The following TMEM231 variants were observed in gnomAD, a reference collection of about 807,000 sequenced individuals.
The protein encoded by TMEM231 is transmembrane protein 231.
In TMEM231, 40 loss-of-function variants were observed where a neutral mutation model predicts 38.5. The ratio of observed to expected loss-of-function variants is 1.04; its 90% CI spans 0.81 to 1.35. The LOEUF (loss-of-function observed/expected upper bound fraction) is 1.35, where lower values mean the gene tolerates loss of function less well. Ranked by LOEUF, TMEM231 falls within the 40% of genes most tolerant of loss-of-function variation. TMEM231 has a pLI of 0.00. For synonymous variants in TMEM231, 199 were observed against 181.7 expected (o/e 1.10, Z -0.77); for missense variants, 420 against 416.9 (o/e 1.01, Z -0.07).
At position 75,538,440 on chromosome 16, in the gene TMEM231, T is replaced by C. The variant is rs955203903; in HGVS notation, c.*1554A>G. 40 of 152,204 alleles carry C rather than the reference T, an allele frequency of 2.6e-4. No homozygotes were observed. Among genetic ancestry groups the C allele is most frequent in the Admixed American group, 2.5e-3 (38 of 15,284 alleles). The allele number at this position is 152,204 out of a possible 1,614,324, so 9.4% of individuals were successfully genotyped here. ...CATCTTTCCATATCTCATTGCCTTATGTGAATTTAAACAAGAAACTATTTT... is the reference window on the plus strand; with the variant it reads ...CATCTTTCCATATCTCATTGCCTTACGTGAATTTAAACAAGAAACTATTTT... On this transcript the variant is annotated 3_prime_UTR_variant, in exon 7 of 7. Transcript: ENST00000258173.
intron 4 of TMEM231, 54 bp downstream of exon 4, chr16:75,545,298 A>C: frequency 1.9e-6 from 3 of 1,572,602 alleles, no homozygotes; most frequent in Non-Finnish European, 2.6e-6. Flanking sequence ...TAAAGAACTT[A>C]ATGAACAGTA....
In TMEM231 at chr16:75,556,173, G is replaced by T; in HGVS notation, c.37C>A (p.Arg13Ser). 1 of 1,535,356 alleles carries T rather than the reference G, an allele frequency of 6.5e-7. No homozygotes were observed. Residue 13 changes from arginine to serine, a missense_variant, in exon 1 of 7, where the codon CGC becomes AGC. Arg to Ser is a moderately radical substitution (Grantham distance 110). Transcript: ENST00000258173. ...GAGCAGAGCCCCGCGCGGTAACTGCGCTCGACCGGGTGAGAGAAGAGCTCA... is the reference window on the plus strand; with the variant it reads ...GAGCAGAGCCCCGCGCGGTAACTGCTCTCGACCGGGTGAGAGAAGAGCTCA... ...LYELFSHPVE[R>S]SYRAGLCSKA...
chr16:75,547,894 A>T (rs753061921), intron 2 of TMEM231, among the ~76,000 whole-genome samples: 9 of 152,350 alleles, frequency 5.9e-5, no homozygotes, highest in Non-Finnish European at 1.0e-4. Flanking sequence ...CACACCTTCT[A>T]GATCTTTAGG....
chr16:75,545,556 C>T, intron 3 of TMEM231, 61 bp from the exon 4 acceptor site: 2 of 1,260,128 alleles, frequency 1.6e-6, no homozygotes, highest in South Asian at 3.0e-5. Flanking sequence ...GCTCTGGGTG[C>T]TAAGAGTCAC....
In TMEM231 at chr16:75,538,539, G is replaced by C. The variant is rs368601790; in HGVS notation, c.*1455C>G. 1 of 152,124 alleles carries C rather than the reference G, an allele frequency of 6.6e-6. No individual in the cohort carries two copies. Among genetic ancestry groups the C allele is most frequent in the African/African-American group, 2.4e-5 (1 of 41,402 alleles). The allele number at this position is 152,124 out of a possible 1,614,324, so 9.4% of individuals were successfully genotyped here. On this transcript the variant is annotated 3_prime_UTR_variant, in exon 7 of 7. Coordinates refer to ENST00000258173, the MANE Select transcript of TMEM231 (RefSeq NM_001077418.3). Reference sequence around the variant, plus strand: ...ATTAAAAAAAGACAAGGGGGTCAGTGTTAGGGAATTCCTCTGCTTGAATAC... The same window carrying C: ...ATTAAAAAAAGACAAGGGGGTCAGTCTTAGGGAATTCCTCTGCTTGAATAC...
At chr16:75,549,352 G>A (rs1330852561) in intron 2 of TMEM231, among the ~76,000 whole-genome samples, 1 of 152,200 alleles carries the variant, frequency 6.6e-6, no homozygotes, top group Non-Finnish European at 1.5e-5. Context: ...TTAGCCAAGA[G>A]AATTCACATA....
intron 2 of TMEM231, among the ~76,000 whole-genome samples, chr16:75,554,425 A>G (rs1219082897): frequency 6.6e-6 from 1 of 151,944 alleles, no homozygotes; most frequent in Non-Finnish European, 1.5e-5. Context: ...ATTAGCCTGT[A>G]ATCCCAGCTA....
At chr16:75,544,266 G>T (rs1442066114) in intron 4 of TMEM231, among the ~76,000 whole-genome samples, 1 of 152,224 alleles carries the variant, frequency 6.6e-6, no homozygotes, top group Non-Finnish European at 1.5e-5. Flanking sequence ...CAGGCGGCAG[G>T]AGGGAGAGTC....
At position 75,537,506 on chromosome 16, in the gene TMEM231, G is replaced by C. The variant is rs943838456; in HGVS notation, c.*2488C>G. The C allele has an allele frequency of 5.2e-5, 4 of 77,068 alleles. No individual in the cohort carries two copies. In the South Asian group the frequency reaches 1.5e-3, roughly 29 times the overall value. The allele number at this position is 77,068 out of a possible 1,614,324, so 4.8% of individuals were successfully genotyped here. On this transcript the variant is annotated 3_prime_UTR_variant, in exon 7 of 7. Coordinates refer to ENST00000258173, the MANE Select transcript of TMEM231 (RefSeq NM_001077418.3). Reference sequence around the variant, plus strand: ...TATATTTCTTTTTTTTTTTTTTTTTGAGACGGAGTCTAGCTCTGTTGCCAG... The same window carrying C: ...TATATTTCTTTTTTTTTTTTTTTTTCAGACGGAGTCTAGCTCTGTTGCCAG...
chr16:75,543,734 C>G (rs2080652494), intron 4 of TMEM231, among the ~76,000 whole-genome samples: 3 of 151,928 alleles, frequency 2.0e-5, no homozygotes, highest in African/African-American at 7.3e-5. Context: ...GCATATAATC[C>G]CTTAAAGGAG....
chr16:75,539,072 T>A lies in TMEM231; in HGVS notation c.*922A>T, dbSNP rs912590997. 1 of 151,974 alleles carries A rather than the reference T, an allele frequency of 6.6e-6. No homozygotes were observed. The highest frequency in any genetic ancestry group is 1.5e-5 in the Non-Finnish European group (1 of 68,000). The allele number at this position is 151,974 out of a possible 1,614,324, so 9.4% of individuals were successfully genotyped here. ...GCTAGCCTTCCAAATAAACTTGTGGTTGTCAGGCAGCGGGAGCCAATCCCA... is the reference window on the plus strand; with the variant it reads ...GCTAGCCTTCCAAATAAACTTGTGGATGTCAGGCAGCGGGAGCCAATCCCA... On this transcript the variant is annotated 3_prime_UTR_variant, in exon 7 of 7. Transcript: ENST00000258173.
In TMEM231 at chr16:75,539,687, C is replaced by T. The variant is rs2080597765; in HGVS notation, c.*307G>A. On this transcript the variant is annotated 3_prime_UTR_variant, in exon 7 of 7. Coordinates refer to ENST00000258173, the MANE Select transcript of TMEM231 (RefSeq NM_001077418.3). ...GCTTGACCAGAGATGGGACTCTTTCCAAGATGTCTGAACTGACTGCAATTT... is the reference window on the plus strand; with the variant it reads ...GCTTGACCAGAGATGGGACTCTTTCTAAGATGTCTGAACTGACTGCAATTT... 2.1e-5 allele frequency: 5 copies of T among 233,810 alleles called. No individual in the cohort carries two copies. The East Asian group carries it at 2.8e-4, about 13-fold the overall frequency. The allele number at this position is 233,810 out of a possible 1,614,324, so 14.5% of individuals were successfully genotyped here.
intron 3 of TMEM231, 137 bp from the exon 4 acceptor site, chr16:75,545,632 G>A: frequency 1.6e-6 from 1 of 634,510 alleles, no homozygotes; most frequent in Non-Finnish European, 2.5e-6. Context: ...ACACTGCCTA[G>A]AACCTTCTGA....
chr16:75,542,598 T>C lies in TMEM231; in HGVS notation c.664+4A>G, dbSNP rs760426025. On this transcript the variant is annotated splice_donor_region_variant and intron_variant, in intron 5 of 6. Transcript: ENST00000258173. Reference sequence around the variant, plus strand: ...CGGCTGAATGGGCTCTACCTGTGACTCACCGTTCCTCTCCTGGTAGGCAGC... The same window carrying C: ...CGGCTGAATGGGCTCTACCTGTGACCCACCGTTCCTCTCCTGGTAGGCAGC... The C allele has an allele frequency of 4.8e-5, 78 of 1,613,500 alleles. No homozygotes were observed. Among genetic ancestry groups the C allele is most frequent in the African/African-American group, 9.3e-5 (7 of 74,874 alleles).
rs1448302846 is a variant in TMEM231 at position 75,556,032 on chromosome 16, C to A, written c.139+39G>T. ...GGAGGCCGGCCCTGGCCGAGCGCGCCCGGGGAGCCTCGTGGCACAGCGGCC... is the reference window on the plus strand; with the variant it reads ...GGAGGCCGGCCCTGGCCGAGCGCGCACGGGGAGCCTCGTGGCACAGCGGCC... On this transcript the variant is annotated intron_variant, in intron 1 of 6. Coordinates refer to ENST00000258173, the MANE Select transcript of TMEM231 (RefSeq NM_001077418.3). 3 of 1,567,622 alleles carry A rather than the reference C, an allele frequency of 1.9e-6. No individual in the cohort carries two copies. Among genetic ancestry groups the A allele is most frequent in the Admixed American group, 1.9e-5 (1 of 53,146 alleles).
At chr16:75,542,288 T>G (rs2080636196) in intron 5 of TMEM231, among the ~76,000 whole-genome samples, 1 of 137,644 alleles carries the variant, frequency 7.3e-6, no homozygotes, top group African/African-American at 2.9e-5. Flanking sequence ...TGTGGATAGG[T>G]GTGGTATGGG....
In TMEM231 at chr16:75,555,867, G is replaced by T. The variant is rs367951920; in HGVS notation, c.246C>A (p.Ala82=). The change falls in exon 2 of 7, where the codon GCC becomes GCA. Residue 82 remains alanine (A), a synonymous_variant. Coordinates refer to ENST00000258173, the MANE Select transcript of TMEM231 (RefSeq NM_001077418.3). ...GGTTGAAGGCGGGGAACGTGCTCCA[G>T]GCGAGGAACCCGTCGCTTTCGGGTC... is the stretch of plus-strand genomic sequence containing the variant. ...LLGPESDGFL[A]WSTFPAFNRL... 7 of 1,590,424 alleles carry T rather than the reference G, an allele frequency of 4.4e-6. No homozygotes were observed. The highest frequency in any genetic ancestry group is 6.0e-6 in the Non-Finnish European group (7 of 1,168,842).
chr16:75,540,180 G>C lies in TMEM231; in HGVS notation c.771-6C>G. 1 of 1,610,180 alleles carries C rather than the reference G, an allele frequency of 6.2e-7. No homozygotes were observed. ...CCCAGAATCCTGGCTGATAAGTATGGACAGTTAAGGAGTGAAGGGCCACAT... is the reference window on the plus strand; with the variant it reads ...CCCAGAATCCTGGCTGATAAGTATGCACAGTTAAGGAGTGAAGGGCCACAT... On this transcript the variant is annotated splice_region_variant and splice_polypyrimidine_tract_variant and intron_variant, in intron 6 of 6. Coordinates refer to ENST00000258173, the MANE Select transcript of TMEM231 (RefSeq NM_001077418.3).
rs1358957700 is a variant in TMEM231 at position 75,537,297 on chromosome 16, A to G, written c.*2697T>C. ...GTCTACAATAAAAGTTGGAAGGAAA[A>G]AAAAAAAAGAAATAATTGCTTTATT... is the stretch of plus-strand genomic sequence containing the variant. On this transcript the variant is annotated 3_prime_UTR_variant, in exon 7 of 7. Coordinates refer to ENST00000258173, the MANE Select transcript of TMEM231 (RefSeq NM_001077418.3). 1.3e-5 allele frequency: 2 copies of G among 151,880 alleles called. No individual in the cohort carries two copies. The highest frequency in any genetic ancestry group is 2.9e-5 in the Non-Finnish European group (2 of 67,968). 9.4% of individuals were successfully genotyped at this position (151,880 alleles called of 1,614,324 possible). A position where few individuals can be genotyped will look rare whatever the true frequency, so the allele number is the denominator to read the frequency against.
Sources: gnomAD v4.1 joint callset for allele counts (sites outside exome capture counted in the v4.1 genomes callset) on GRCh38, gnomAD v4.1.1 for gene constraint, MANE v1.5 for transcripts, NCBI Gene and HGNC (gene_info 2026-07-23, HGNC 2026-07-21) for gene names.